Variants in IMMP2L observed in about 807,000 individuals in gnomAD.
IMMP2L encodes mitochondrial inner membrane protease subunit 2.
IMMP2L carries 18 observed loss-of-function variants against 19.3 expected under a neutral mutation model. The ratio of observed to expected loss-of-function variants is 0.93; its 90% CI spans 0.64 to 1.38. The LOEUF is 1.38. IMMP2L is among the 40% of genes most tolerant of loss of function. The pLI is 0.00. For missense variants in IMMP2L, 233 were observed against 218.2 expected (o/e 1.07, Z -0.43); for synonymous variants, 76 against 73.0 (o/e 1.04, Z -0.21).
chr7:111,352,095 C>T (rs553247149), intron 3 of IMMP2L, among the ~76,000 whole-genome samples: 1 of 152,206 alleles, frequency 6.6e-6, no homozygotes, highest in South Asian at 2.1e-4. Context: ...AAAACCAAGA[C>T]ATATGTGTAA....
chr7:110,837,099 A>G (rs991944132), intron 5 of IMMP2L, among the ~76,000 whole-genome samples: 1 of 152,186 alleles, frequency 6.6e-6, no homozygotes, highest in Non-Finnish European at 1.5e-5. Context: ...AAAACTAAAA[A>G]CAACCTGCTC....
At chr7:111,093,488 A>G (rs2129578179) in intron 3 of IMMP2L, among the ~76,000 whole-genome samples, 1 of 152,262 alleles carries the variant, frequency 6.6e-6, no homozygotes, top group African/African-American at 2.4e-5. Flanking sequence ...TGCAGTATTT[A>G]ATTCAGTTTT....
intron 4 of IMMP2L, among the ~76,000 whole-genome samples, chr7:110,896,099 G>A (rs1012193289): frequency 2.0e-5 from 3 of 152,016 alleles, no homozygotes; most frequent in Admixed American, 2.0e-4. Flanking sequence ...TGAGATTTGT[G>A]TGCAAAAGTA....
intron 5 of IMMP2L, among the ~76,000 whole-genome samples, chr7:110,667,377 C>T (rs571259813): frequency 3.3e-5 from 5 of 152,196 alleles, no homozygotes; most frequent in Admixed American, 6.5e-5. Flanking sequence ...TGATGCCGCC[C>T]CACCACCGTC....
At chr7:111,528,990 C>T (rs1374876360) in intron 1 of IMMP2L, among the ~76,000 whole-genome samples, 1 of 152,112 alleles carries the variant, frequency 6.6e-6, no homozygotes, top group Non-Finnish European at 1.5e-5. Context: ...TGGAATTGTG[C>T]TAAGAGATAA....
chr7:111,386,456 T>C (rs1276618429), intron 3 of IMMP2L, among the ~76,000 whole-genome samples: 2 of 152,142 alleles, frequency 1.3e-5, no homozygotes, highest in Non-Finnish European at 2.9e-5. Flanking sequence ...TTATATACAT[T>C]GGCCCTATGT....
At chr7:111,207,592 G>A (rs1469660890) in intron 3 of IMMP2L, among the ~76,000 whole-genome samples, 1 of 131,854 alleles carries the variant, frequency 7.6e-6, no homozygotes, top group Admixed American at 8.5e-5. Flanking sequence ...AGGCTGGAGT[G>A]CAGTGGCACA....
intron 3 of IMMP2L, among the ~76,000 whole-genome samples, chr7:111,406,180 T>C (rs548350186): frequency 6.6e-6 from 1 of 152,102 alleles, no homozygotes; most frequent in Non-Finnish European, 1.5e-5. Flanking sequence ...CTCCTTTGCC[T>C]CTTGTATCTC....
chr7:111,447,091 T>G (rs1431559952), intron 3 of IMMP2L, among the ~76,000 whole-genome samples: 1 of 143,816 alleles, frequency 7.0e-6, no homozygotes, highest in Non-Finnish European at 1.5e-5. Context: ...TTGGTGTACC[T>G]GAAAGTGATG....
intron 3 of IMMP2L, among the ~76,000 whole-genome samples, chr7:111,121,224 T>C (rs1168142919): frequency 2.0e-5 from 3 of 152,150 alleles, no homozygotes; most frequent in Non-Finnish European, 4.4e-5. Context: ...TCTTGTAAAT[T>C]TGTTTGAGTT....
At chr7:110,793,693 G>A (rs1467958058) in intron 5 of IMMP2L, among the ~76,000 whole-genome samples, 2 of 151,982 alleles carry the variant, frequency 1.3e-5, no homozygotes, top group African/African-American at 2.4e-5. Flanking sequence ...ATAATCCAGT[G>A]CTGTATACTG....
intron 2 of IMMP2L, among the ~76,000 whole-genome samples, chr7:111,490,893 C>G (rs1254436651): frequency 1.3e-5 from 2 of 152,054 alleles, no homozygotes; most frequent in African/African-American, 2.4e-5. Context: ...ATAGTTGACC[C>G]TTGAATAACA....
intron 5 of IMMP2L, among the ~76,000 whole-genome samples, chr7:110,746,290 C>T (rs192650585): frequency 6.6e-6 from 1 of 152,108 alleles, no homozygotes; most frequent in African/African-American, 2.4e-5. Flanking sequence ...GACTTAGACT[C>T]CCACATAATA....
At chr7:110,847,761 G>C (rs989210029) in intron 5 of IMMP2L, among the ~76,000 whole-genome samples, 1 of 152,122 alleles carries the variant, frequency 6.6e-6, no homozygotes, top group Non-Finnish European at 1.5e-5. Flanking sequence ...ACAGGATATA[G>C]TCAACTGATC....
chr7:111,138,380 G>A (rs558220039), intron 3 of IMMP2L, among the ~76,000 whole-genome samples: 5 of 152,254 alleles, frequency 3.3e-5, no homozygotes, highest in South Asian at 2.1e-4. Context: ...GTCCAATGAC[G>A]TGGCAGCCCT....
intron 3 of IMMP2L, among the ~76,000 whole-genome samples, chr7:110,992,434 A>G (rs1055356484): frequency 1.3e-5 from 2 of 152,058 alleles, no homozygotes; most frequent in African/African-American, 4.8e-5. Context: ...ATAAATATTA[A>G]CAAAGAAATA....
At chr7:111,497,686 T>C (rs1477461353) in intron 2 of IMMP2L, among the ~76,000 whole-genome samples, 3 of 152,028 alleles carry the variant, frequency 2.0e-5, no homozygotes, top group African/African-American at 4.8e-5. Context: ...GGTTTAGAAA[T>C]GCAAACTTCA....
chr7:111,513,290 A>G (rs757483349), intron 2 of IMMP2L, among the ~76,000 whole-genome samples: 24 of 152,174 alleles, frequency 1.6e-4, no homozygotes, highest in Non-Finnish European at 2.8e-4. Context: ...TGATTTTAAA[A>G]TAGGAAAAAG....
intron 2 of IMMP2L, among the ~76,000 whole-genome samples, chr7:111,518,513 C>T (rs1159560577): frequency 7.0e-6 from 1 of 142,974 alleles, no homozygotes; most frequent in Non-Finnish European, 1.6e-5. Context: ...CCAGAGATCT[C>T]CACACCATGC....
Sources: allele counts gnomAD v4.1 joint callset (sites outside exome capture counted in the v4.1 genomes callset), GRCh38; gene constraint gnomAD v4.1.1; transcripts MANE v1.5; gene names NCBI Gene and HGNC (gene_info 2026-07-23, HGNC 2026-07-21).